TRAFD1: variants seen among roughly 807,000 people sequenced by gnomAD.
TRAFD1 encodes TRAF-type zinc finger domain-containing protein 1.
TRAFD1 carries 38 observed loss-of-function variants against 65.3 expected under a neutral mutation model. The ratio of observed to expected loss-of-function variants is 0.58; its 90% CI spans 0.45 to 0.76. TRAFD1 has a LOEUF of 0.76. TRAFD1 is among the 30% of genes least tolerant of loss of function. TRAFD1 has a pLI of 0.00. For missense variants in TRAFD1, 631 were observed against 712.6 expected (o/e 0.89, Z 1.30); for synonymous variants, 223 against 257.2 (o/e 0.87, Z 1.27).
chr12:112,142,134 C>G lies in TRAFD1; in HGVS notation c.689C>G (p.Pro230Arg), dbSNP rs756571466. The change falls in exon 6 of 12, where the codon CCC becomes CGC. Residue 230 changes from proline (P) to arginine (R), a missense_variant. By Grantham distance (103) the Pro-to-Arg change is moderately radical. Coordinates refer to ENST00000412615, the MANE Select transcript of TRAFD1 (RefSeq NM_006700.3). ...RQERNRGQQP[P>R]KEGGEESANL... ...GAAAGGAATAGAGGCCAACAGCCCC[C>G]CAAAGAGGGTGGTGAAGAGAGTGCA... 8.1e-6 allele frequency: 13 copies of G among 1,613,832 alleles called. No individual in the cohort carries two copies. Among genetic ancestry groups the G allele is most frequent in the Non-Finnish European group, 1.1e-5 (13 of 1,179,990 alleles).
intron 9 of TRAFD1, among the ~76,000 whole-genome samples, chr12:112,151,286 G>GT (rs929217304): frequency 6.6e-6 from 1 of 152,094 alleles, no homozygotes; most frequent in African/African-American, 2.4e-5. Flanking sequence ...TTGTTGAATA[G>GT]TTAGGAGGCT....
intron 1 of TRAFD1, chr12:112,126,184 C>G (rs1341165869): frequency 1.3e-5 from 2 of 152,196 alleles, no homozygotes; most frequent in Non-Finnish European, 2.9e-5. Flanking sequence ...TTTGAGAAGC[C>G]GCTTACTTCT....
chr12:112,135,806 G>A (rs2079596420), intron 4 of TRAFD1, among the ~76,000 whole-genome samples: 1 of 150,254 alleles, frequency 6.7e-6, no homozygotes. Context: ...CTCGCTAGTT[G>A]AGATAAAACT....
chr12:112,147,038 C>T (rs779265359), intron 7 of TRAFD1, among the ~76,000 whole-genome samples: 5 of 111,072 alleles, frequency 4.5e-5, no homozygotes, highest in Non-Finnish European at 6.6e-5. Flanking sequence ...CTCACTCTGT[C>T]GCCTAGGCTG....
At chr12:112,147,505 C>T (rs760960471) in intron 7 of TRAFD1, among the ~76,000 whole-genome samples, 9 of 152,038 alleles carry the variant, frequency 5.9e-5, no homozygotes, top group African/African-American at 2.2e-4. Flanking sequence ...ATTTGTGCCT[C>T]TCTTTTACTG....
In TRAFD1 at chr12:112,130,709, T is replaced by C; in HGVS notation, c.47+140T>C. The C allele has an allele frequency of 1.0e-5, 6 of 573,410 alleles. No homozygotes were observed. The highest frequency in any genetic ancestry group is 1.8e-5 in the Non-Finnish European group (6 of 342,488). 35.5% of individuals were successfully genotyped at this position (573,410 alleles called of 1,614,324 possible). A position where few individuals can be genotyped will look rare whatever the true frequency, so the allele number is the denominator to read the frequency against. ...TCTATTTTGGTGTTTATAACCCACA[T>C]GAATTACAAGAAAGAGCATCTCTTT... On this transcript the variant is annotated intron_variant, in intron 2 of 11. Transcript: ENST00000412615. The surrounding 1 kb of genome is among the most constrained non-coding windows in gnomAD (Gnocchi z 4.4).
chr12:112,134,156 A>G (rs2079581795), intron 2 of TRAFD1, among the ~76,000 whole-genome samples: 1 of 147,216 alleles, frequency 6.8e-6, no homozygotes, highest in African/African-American at 2.5e-5. Context: ...GATTACAGGC[A>G]TGTGCCGCCA....
intron 7 of TRAFD1, among the ~76,000 whole-genome samples, chr12:112,147,741 G>T (rs889616275): frequency 2.0e-5 from 3 of 150,234 alleles, no homozygotes; most frequent in Admixed American, 6.7e-5. Flanking sequence ...GTGCGATCTC[G>T]GCTCACTGCA....
rs542793729 is a variant in TRAFD1, at chr12:112,137,118, A to G, written c.237+2052A>G. Among the ~76,000 whole-genome samples the G allele has an allele frequency of 4.6e-5, 7 of 151,990 alleles. No homozygotes were observed. The highest frequency in any genetic ancestry group is 1.4e-4 in the African/African-American group (6 of 41,380). On this transcript the variant is annotated intron_variant, in intron 4 of 11. Transcript: ENST00000412615. The surrounding 1 kb of genome is among the most constrained non-coding windows in gnomAD (Gnocchi z 4.2). Reference sequence around the variant, plus strand: ...CACGTCTGAAATCCCAGCTACTCAGAAGGCTGAGGCAGGAGAATTGCTTGA... The same window carrying G: ...CACGTCTGAAATCCCAGCTACTCAGGAGGCTGAGGCAGGAGAATTGCTTGA...
At position 112,147,936 on chromosome 12, in the gene TRAFD1, TG is replaced by T. The variant is rs2030298281; in HGVS notation, c.928-135del. On this transcript the variant is annotated intron_variant, in intron 7 of 11. Transcript: ENST00000412615. ...CACCTGCCTCGGCCTCCCAAAGTGC[TG>T]GGATTACAGGCGTGAGCCACCGCGC... is the stretch of plus-strand genomic sequence containing the variant. 5.8e-6 allele frequency: 4 copies of T among 692,802 alleles called. No homozygotes were observed. In the Admixed American group the frequency reaches 1.2e-4, roughly 20 times the overall value. The allele number at this position is 692,802 out of a possible 1,614,324, so 42.9% of individuals were successfully genotyped here.
At chr12:112,151,734 G>T in intron 9 of TRAFD1, 67 bp from the exon 10 acceptor site, 1 of 1,467,484 alleles carries the variant, frequency 6.8e-7, no homozygotes, top group Non-Finnish European at 9.3e-7. Context: ...TTTTGTTCCT[G>T]CCCTAAACCT....
intron 7 of TRAFD1, among the ~76,000 whole-genome samples, chr12:112,146,702 A>G (rs949480306): frequency 6.6e-6 from 1 of 152,172 alleles, no homozygotes; most frequent in Non-Finnish European, 1.5e-5. Context: ...GATAGGTACT[A>G]TGAAGGCTAG....
Position 112,152,552 on chromosome 12 carries a change from G to A in TRAFD1, c.1692+53G>A. On this transcript the variant is annotated intron_variant, in intron 11 of 11. Coordinates refer to ENST00000412615, the MANE Select transcript of TRAFD1 (RefSeq NM_006700.3). The surrounding 1 kb of genome is among the most constrained non-coding windows in gnomAD (Gnocchi z 5.0). ...CAGTGGGGGACTCAGACATGGTGGG[G>A]CTTGTGTGGCTCCTGAAGTTGTAGA... 6.2e-7 allele frequency: 1 copy of A among 1,606,722 alleles called. No individual in the cohort carries two copies. Among genetic ancestry groups the A allele is most frequent in the Non-Finnish European group, 8.5e-7 (1 of 1,173,954 alleles).
rs1034214603 is a variant in TRAFD1 at position 112,137,757 on chromosome 12, G to A, written c.237+2691G>A. Among the ~76,000 whole-genome samples, 3 of 151,954 alleles carry A rather than the reference G, an allele frequency of 2.0e-5. No homozygotes were observed. Among genetic ancestry groups the A allele is most frequent in the East Asian group, 3.9e-4 (2 of 5,192 alleles). ...AGTCAGGGCGACAGAGCGAGACTCC[G>A]TCTAAAAAAATAAATAAATAAAAAT... On this transcript the variant is annotated intron_variant, in intron 4 of 11. Transcript: ENST00000412615. This position sits in a 1 kb window ranked among gnomAD's most constrained non-coding sequence, Gnocchi z 4.2.
At chr12:112,141,780 G>A (rs887506746) in intron 5 of TRAFD1, among the ~76,000 whole-genome samples, 3 of 152,234 alleles carry the variant, frequency 2.0e-5, no homozygotes, top group African/African-American at 2.4e-5. Context: ...ATCTGACCTC[G>A]TGCTTTAAAC....
In TRAFD1 at chr12:112,147,949, G is replaced by C. The variant is rs998652819; in HGVS notation, c.928-125G>C. 9 of 841,190 alleles carry C rather than the reference G, an allele frequency of 1.1e-5. No individual in the cohort carries two copies. In the African/African-American group the frequency reaches 1.4e-4, roughly 13 times the overall value. The allele number at this position is 841,190 out of a possible 1,614,324, so 52.1% of individuals were successfully genotyped here. ...CTCCCAAAGTGCTGGGATTACAGGC[G>C]TGAGCCACCGCGCCCGGCCAAGCAT... is the stretch of plus-strand genomic sequence containing the variant. On this transcript the variant is annotated intron_variant, in intron 7 of 11. Transcript: ENST00000412615.
In TRAFD1 at chr12:112,140,846, G is replaced by A. The variant is rs2030066691; in HGVS notation, c.265G>A (p.Val89Ile). ...EETECPLRLA[V>I]CQHCDLELSI... ...GACTGAGTGCCCTTTGCGGCTTGCT[G>A]TCTGCCAGCACTGTGATTTAGAACT... is the stretch of plus-strand genomic sequence containing the variant. Residue 89 changes from valine (V) to isoleucine (I), a missense_variant, in exon 5 of 12, where the codon GTC becomes ATC. By Grantham distance (29) the Val-to-Ile change is conservative. Coordinates refer to ENST00000412615, the MANE Select transcript of TRAFD1 (RefSeq NM_006700.3). 2 of 1,613,972 alleles carry A rather than the reference G, an allele frequency of 1.2e-6. No homozygotes were observed. Among genetic ancestry groups the A allele is most frequent in the South Asian group, 1.1e-5 (1 of 91,088 alleles).
At chr12:112,142,025 A>G in intron 5 of TRAFD1, 64 bp from the exon 6 acceptor site, 1 of 1,564,096 alleles carries the variant, frequency 6.4e-7, no homozygotes, top group Non-Finnish European at 8.7e-7. Flanking sequence ...CTAGGCATGG[A>G]CTTGAGTTGA....
rs758043478 is a variant in TRAFD1, at chr12:112,147,673, T to A, written c.928-401T>A. On this transcript the variant is annotated intron_variant, in intron 7 of 11. Transcript: ENST00000412615. ...TTCCAATATTAAGCATTTAAAAAAA[T>A]TTTTTTTTTTTTTTTTGAGACGGAG... 3.5e-3 allele frequency among the ~76,000 whole-genome samples: 504 copies of A among 144,082 alleles called. 4 individuals are homozygous for A. Among genetic ancestry groups the A allele is most frequent in the South Asian group, 0.013 (61 of 4,606 alleles). The allele number at this position is 144,082 out of a possible 152,430, so 94.5% of individuals were successfully genotyped here.
Sources: allele counts gnomAD v4.1 joint callset (sites outside exome capture counted in the v4.1 genomes callset), GRCh38; gene constraint gnomAD v4.1.1; non-coding constraint Gnocchi (gnomAD v3.1); transcripts MANE v1.5; gene names NCBI Gene and HGNC (gene_info 2026-07-23, HGNC 2026-07-21).